KCNH7: variants seen among roughly 807,000 people sequenced by gnomAD.
The protein encoded by KCNH7 is potassium voltage-gated channel subfamily H member 7.
In KCNH7, 49 loss-of-function variants were observed where a neutral mutation model predicts 120.8. That is an observed-to-expected ratio of 0.41 (90% CI 0.32 to 0.51). The LOEUF (loss-of-function observed/expected upper bound fraction) is 0.51, where lower values mean the gene tolerates loss of function less well. KCNH7 is among the 20% of genes least tolerant of loss of function. The pLI is 0.38. For synonymous variants in KCNH7, 547 were observed against 516.1 expected (o/e 1.06, Z -0.81); for missense variants, 1,097 against 1,446.6 (o/e 0.76, Z 3.92).
chr2:162,441,593 T>A (rs180836883), intron 7 of KCNH7, among the ~76,000 whole-genome samples: 122 of 152,292 alleles, frequency 8.0e-4, no homozygotes, highest in African/African-American at 2.9e-3. Flanking sequence ...TAATGAAGCA[T>A]GTAATTGAGC....
chr2:162,817,105 A>G (rs1003282820), intron 2 of KCNH7, among the ~76,000 whole-genome samples: 1 of 152,134 alleles, frequency 6.6e-6, no homozygotes, highest in South Asian at 2.1e-4. Context: ...GTGAAATGCA[A>G]ATTTATACAA....
chr2:162,420,428 T>A (rs1185172180), intron 9 of KCNH7, among the ~76,000 whole-genome samples: 1 of 152,060 alleles, frequency 6.6e-6, no homozygotes, highest in Non-Finnish European at 1.5e-5. Context: ...ACACCATGAT[T>A]CTTTCACTGG....
chr2:162,585,894 G>C (rs1220001509), intron 2 of KCNH7, among the ~76,000 whole-genome samples: 1 of 151,852 alleles, frequency 6.6e-6, no homozygotes, highest in East Asian at 1.9e-4. Flanking sequence ...ATAAATGTGT[G>C]AACTCATAAA....
chr2:162,443,227 AATG>A (rs1317063685), intron 7 of KCNH7, among the ~76,000 whole-genome samples: 4 of 152,204 alleles, frequency 2.6e-5, no homozygotes, highest in Non-Finnish European at 4.4e-5. Flanking sequence ...CATTTAATTT[AATG>A]GATCTCATTT....
chr2:162,704,606 A>T lies in KCNH7; in HGVS notation c.307+131931T>A, dbSNP rs1179804798. ...AAATCCACAGCTTTATCCAGCTAGA[A>T]TTTCTCTTTCCAGCTTCAGAAGATA... On this transcript the variant is annotated intron_variant, in intron 2 of 15. Coordinates refer to ENST00000332142, the MANE Select transcript of KCNH7 (RefSeq NM_033272.4). 2.0e-5 allele frequency among the ~76,000 whole-genome samples: 3 copies of T among 152,302 alleles called. No homozygotes were observed. The East Asian group carries it at 5.8e-4, about 29-fold the overall frequency.
At chr2:162,785,397 T>C (rs1217102173) in intron 2 of KCNH7, among the ~76,000 whole-genome samples, 1 of 152,238 alleles carries the variant, frequency 6.6e-6, no homozygotes, top group Non-Finnish European at 1.5e-5. Context: ...TTTCTATTTG[T>C]TTCTTTCTAT....
chr2:162,445,530 T>C (rs1171407946), intron 7 of KCNH7, among the ~76,000 whole-genome samples: 1 of 152,150 alleles, frequency 6.6e-6, no homozygotes, highest in Non-Finnish European at 1.5e-5. Context: ...TTATTAGGCA[T>C]TGGGATACAC....
chr2:162,696,128 A>C (rs1686278682), intron 2 of KCNH7, among the ~76,000 whole-genome samples: 1 of 152,184 alleles, frequency 6.6e-6, no homozygotes, highest in Non-Finnish European at 1.5e-5. Context: ...CTTACTTGTA[A>C]AACTAAGGCT....
intron 6 of KCNH7, among the ~76,000 whole-genome samples, chr2:162,446,968 A>T (rs921797964): frequency 6.6e-6 from 1 of 152,108 alleles, no homozygotes. Flanking sequence ...TCCCACCTGC[A>T]ATCTGTTTTT....
intron 2 of KCNH7, among the ~76,000 whole-genome samples, chr2:162,542,501 T>C (rs1174359836): frequency 6.7e-6 from 1 of 148,580 alleles, no homozygotes; most frequent in Non-Finnish European, 1.5e-5. Context: ...ACATGCAGCG[T>C]TTGGCTTTTT....
intron 2 of KCNH7, among the ~76,000 whole-genome samples, chr2:162,788,374 G>A (rs1356289173): frequency 1.3e-5 from 2 of 151,954 alleles, no homozygotes; most frequent in African/African-American, 4.8e-5. Flanking sequence ...TAAAAATCAG[G>A]AGAACAATAA....
chr2:162,603,334 T>C (rs983083195), intron 2 of KCNH7, among the ~76,000 whole-genome samples: 3 of 152,106 alleles, frequency 2.0e-5, no homozygotes, highest in African/African-American at 7.2e-5. Flanking sequence ...ATCTGTTTTC[T>C]GTGAGGGTAT....
intron 2 of KCNH7, among the ~76,000 whole-genome samples, chr2:162,804,521 C>G (rs994724518): frequency 6.6e-6 from 1 of 151,672 alleles, no homozygotes; most frequent in African/African-American, 2.4e-5. Context: ...AAAAAACAAC[C>G]TAGGAATGTA....
At chr2:162,715,376 T>C (rs1687076359) in intron 2 of KCNH7, among the ~76,000 whole-genome samples, 1 of 152,114 alleles carries the variant, frequency 6.6e-6, no homozygotes, top group Non-Finnish European at 1.5e-5. Context: ...CCCACCCCCA[T>C]GATTCAAACA....
At chr2:162,398,078 GTATA>G (rs1010087703) in intron 10 of KCNH7, among the ~76,000 whole-genome samples, 5 of 151,718 alleles carry the variant, frequency 3.3e-5, no homozygotes, top group African/African-American at 1.2e-4. Flanking sequence ...TGTACTTGTG[GTATA>G]TATACTTAAT....
At chr2:162,516,078 G>T (rs1012154789) in intron 4 of KCNH7, among the ~76,000 whole-genome samples, 1 of 151,650 alleles carries the variant, frequency 6.6e-6, no homozygotes, top group Non-Finnish European at 1.5e-5. Flanking sequence ...ACATCACATG[G>T]TCTTCTCAAT....
At chr2:162,829,828 C>G (rs1246334406) in intron 2 of KCNH7, among the ~76,000 whole-genome samples, 3 of 147,874 alleles carry the variant, frequency 2.0e-5, no homozygotes, top group Non-Finnish European at 4.5e-5. Context: ...CACTTTCCCC[C>G]AGATCTTGTT....
chr2:162,556,332 T>C (rs1692854736), intron 2 of KCNH7, among the ~76,000 whole-genome samples: 1 of 152,182 alleles, frequency 6.6e-6, no homozygotes, highest in Non-Finnish European at 1.5e-5. Context: ...ATCTTCATTG[T>C]GTAGGTATTA....
At position 162,508,076 on chromosome 2, in the gene KCNH7, A is replaced by C. The variant is rs554933610; in HGVS notation, c.914-3419T>G. Among the ~76,000 whole-genome samples, 5 of 151,722 alleles carry C rather than the reference A, an allele frequency of 3.3e-5. No homozygotes were observed. The South Asian group carries it at 1.0e-3, about 31-fold the overall frequency. ...TGTTTTTCTTTTATTTCTCCTGTATATTACAGTTAGGGAATCATGTTGATA... is the reference window on the plus strand; with the variant it reads ...TGTTTTTCTTTTATTTCTCCTGTATCTTACAGTTAGGGAATCATGTTGATA... On this transcript the variant is annotated intron_variant, in intron 5 of 15. Coordinates refer to ENST00000332142, the MANE Select transcript of KCNH7 (RefSeq NM_033272.4).
Sources: gnomAD v4.1 joint callset for allele counts (sites outside exome capture counted in the v4.1 genomes callset) on GRCh38, gnomAD v4.1.1 for gene constraint, MANE v1.5 for transcripts, NCBI Gene and HGNC (gene_info 2026-07-23, HGNC 2026-07-21) for gene names.